Variants in LARS1 observed in about 807,000 individuals in gnomAD.
LARS1 encodes leucine--tRNA ligase, cytoplasmic.
Under a neutral mutation model 162.8 loss-of-function variants are expected in LARS1, and 100 were observed. That is an observed-to-expected ratio of 0.61 (90% CI 0.52 to 0.73). The LOEUF (loss-of-function observed/expected upper bound fraction) is 0.73, where lower values mean the gene tolerates loss of function less well. Ranked by LOEUF, LARS1 falls within the 30% of genes least tolerant of loss-of-function variation. LARS1 has a pLI of 0.00. For synonymous variants in LARS1, 457 were observed against 462.8 expected (o/e 0.99, Z 0.16); for missense variants, 1,258 against 1,408.9 (o/e 0.89, Z 1.71).
Position 146,128,686 on chromosome 5 carries a change from G to T in LARS1, c.2866C>A (p.Arg956Ser). 1.3e-6 allele frequency: 2 copies of T among 1,579,948 alleles called. No homozygotes were observed. The highest frequency in any genetic ancestry group is 1.7e-6 in the Non-Finnish European group (2 of 1,169,742). The stretch of plus-strand genomic sequence containing the variant: ...GAGAGCATCACCTCAAAGTGTTTAC[G>T]TAGAACAGACAGGGTGGTATGTTGC... ...PWQHTTLSVL[R>S]KHFEANNGKL... Residue 956 changes from arginine to serine, a missense_variant, in exon 27 of 32, where the codon CGT becomes AGT. Physicochemically the swap from Arg to Ser is moderately radical, Grantham distance 110. Transcript: ENST00000394434.
At chr5:146,160,527 C>T (rs982251649) in intron 6 of LARS1, 41 bp from the exon 7 acceptor site, 7 of 1,081,068 alleles carry the variant, frequency 6.5e-6, no homozygotes, top group African/African-American at 3.3e-5. Context: ...CTGAGAAATA[C>T]ACAAATTTTG....
Position 146,153,995 on chromosome 5 carries a change from A to G in LARS1, c.1066-15T>C. The G allele has an allele frequency of 6.4e-7, 1 of 1,552,284 alleles. No homozygotes were observed. Among genetic ancestry groups the G allele is most frequent in the Non-Finnish European group, 8.8e-7 (1 of 1,136,870 alleles). On this transcript the variant is annotated splice_polypyrimidine_tract_variant and intron_variant, in intron 10 of 31. Transcript: ENST00000394434. ...CCAAGAATTTCCTGCATAAGAAAAAAATCAATATAAAAGGTGAAGTAATTC... is the reference window on the plus strand; with the variant it reads ...CCAAGAATTTCCTGCATAAGAAAAAGATCAATATAAAAGGTGAAGTAATTC...
At position 146,168,216 on chromosome 5, in the gene LARS1, G is replaced by A. The variant is rs1561493176; in HGVS notation, c.344C>T (p.Pro115Leu). 2 of 1,612,970 alleles carry A rather than the reference G, an allele frequency of 1.2e-6. No homozygotes were observed. The highest frequency in any genetic ancestry group is 2.7e-5 in the African/African-American group (2 of 74,852). ...KREIELYGCP[P>L]DFPDEEEEEE... ...TTCCTCTTCTTCATCTGGAAAATCA[G>A]GGGGGCAACCATACAGCTCTATTTC... The change falls in exon 5 of 32, where the codon CCT (proline) becomes CTT (leucine). Residue 115 changes from proline to leucine, a missense_variant. Coordinates refer to ENST00000394434, the MANE Select transcript of LARS1 (RefSeq NM_020117.11).
At chr5:146,153,257 T>C (rs1753371870) in intron 12 of LARS1, 30 bp from the exon 13 acceptor site, 1 of 1,447,054 alleles carries the variant, frequency 6.9e-7, no homozygotes, top group African/African-American at 1.4e-5. Flanking sequence ...TTAACACTAA[T>C]GATCAACACT....
At chr5:146,162,914 A>G (rs886188541) in intron 6 of LARS1, among the ~76,000 whole-genome samples, 1 of 151,910 alleles carries the variant, frequency 6.6e-6, no homozygotes, top group Non-Finnish European at 1.5e-5. Flanking sequence ...GGTTCAAGCA[A>G]TTCTCCTCCT....
chr5:146,114,186 G>A lies in LARS1; in HGVS notation c.3451C>T (p.Leu1151Phe), dbSNP rs1392208236. The change falls in exon 32 of 32, where the codon CTC becomes TTC. Residue 1151 changes from leucine (L) to phenylalanine (F), a missense_variant. Coordinates refer to ENST00000394434, the MANE Select transcript of LARS1 (RefSeq NM_020117.11). The stretch of plus-strand genomic sequence containing the variant: ...GTCAGATGAATTTTCTTGCTCATGA[G>A]GTCCACATTGAAAACAGCATGCTCA... ...ISEHAVFNVD[L>F]MSKKIHLTEN... 6.2e-7 allele frequency: 1 copy of A among 1,613,350 alleles called. No homozygotes were observed. The highest frequency in any genetic ancestry group is 2.2e-5 in the East Asian group (1 of 44,828).
At chr5:146,164,947 A>C (rs572261210) in intron 5 of LARS1, among the ~76,000 whole-genome samples, 2 of 152,226 alleles carry the variant, frequency 1.3e-5, no homozygotes, top group Non-Finnish European at 2.9e-5. Flanking sequence ...CAGCATAAGA[A>C]AATTTTGAGG....
intron 12 of LARS1, 86 bp from the exon 13 acceptor site, chr5:146,153,313 A>C: frequency 2.0e-6 from 2 of 1,003,408 alleles, no homozygotes; most frequent in Non-Finnish European, 3.1e-6. Context: ...AGTTTCTTAA[A>C]AGTTTCTTTA....
At chr5:146,128,363 G>T (rs1752127783) in intron 27 of LARS1, among the ~76,000 whole-genome samples, 1 of 151,980 alleles carries the variant, frequency 6.6e-6, no homozygotes, top group Non-Finnish European at 1.5e-5. Flanking sequence ...AAATTCCAAA[G>T]GCAAACTCTG....
chr5:146,115,850 T>A (rs778268189), intron 31 of LARS1, among the ~76,000 whole-genome samples: 1 of 152,212 alleles, frequency 6.6e-6, no homozygotes, highest in African/African-American at 2.4e-5. Flanking sequence ...TCTGAATTAC[T>A]TCCCATTTCT....
At chr5:146,176,263 C>A (rs1414900864) in intron 2 of LARS1, among the ~76,000 whole-genome samples, 1 of 151,756 alleles carries the variant, frequency 6.6e-6, no homozygotes, top group Admixed American at 6.6e-5. Flanking sequence ...ACCATCCTGG[C>A]CAACATGGTA....
chr5:146,130,715 G>GT (rs1488741806), intron 24 of LARS1: 1 of 235,810 alleles, frequency 4.2e-6, no homozygotes. Context: ...TTTTGCCTTT[G>GT]TTTTTATCAA....
chr5:146,113,293 GA>G lies in LARS1; in HGVS notation c.*812del, dbSNP rs1764057136. 6.6e-6 allele frequency: 1 copy of G among 152,270 alleles called. No individual in the cohort carries two copies. Among genetic ancestry groups the G allele is most frequent in the Non-Finnish European group, 1.5e-5 (1 of 68,150 alleles). The allele number at this position is 152,270 out of a possible 1,614,324, so 9.4% of individuals were successfully genotyped here. A position where few individuals can be genotyped will look rare whatever the true frequency, so the allele number is the denominator to read the frequency against. ...TTGGTCAGGCTGGTCTCAAACTCCT[GA>G]CCTCAGGTGACTGCCCACCTTGGCC... On this transcript the variant is annotated 3_prime_UTR_variant, in exon 32 of 32. Coordinates refer to ENST00000394434, the MANE Select transcript of LARS1 (RefSeq NM_020117.11).
At position 146,120,357 on chromosome 5, in the gene LARS1, G is replaced by A. The variant is rs1247536686; in HGVS notation, c.3325+14C>T. The A allele has an allele frequency of 1.2e-6, 2 of 1,612,014 alleles. No homozygotes were observed. The highest frequency in any genetic ancestry group is 1.3e-5 in the African/African-American group (1 of 74,796). The stretch of plus-strand genomic sequence containing the variant: ...CAAGCTACTGACAAATGGGAGTTTT[G>A]GGGAACAACTTACCTTTAATTCCTC... On this transcript the variant is annotated intron_variant, in intron 31 of 31. Transcript: ENST00000394434.
Position 146,123,978 on chromosome 5 carries a change from T to A in LARS1, c.3096+4A>T, listed in dbSNP as rs1297394521. ...CTGGTTATTACAATCCCTGGCCCTC[T>A]TACCTCAAGCGAATTAGTCAGATAG... On this transcript the variant is annotated splice_donor_region_variant and intron_variant, in intron 29 of 31. Transcript: ENST00000394434. 1 of 1,544,656 alleles carries A rather than the reference T, an allele frequency of 6.5e-7. No homozygotes were observed.
At chr5:146,166,161 A>C (rs1753995445) in intron 5 of LARS1, among the ~76,000 whole-genome samples, 1 of 152,156 alleles carries the variant, frequency 6.6e-6, no homozygotes, top group South Asian at 2.1e-4. Flanking sequence ...CAATAAAAGA[A>C]ACCTTGGAGA....
At chr5:146,120,178 A>C (rs1338050765) in intron 31 of LARS1, 193 bp downstream of exon 31, 1 of 568,578 alleles carries the variant, frequency 1.8e-6, no homozygotes, top group Non-Finnish European at 3.1e-6. Flanking sequence ...CTTAAGTGAC[A>C]TGGCAAAGCC....
At chr5:146,128,581 T>C (rs1752138004) in intron 27 of LARS1, 91 bp downstream of exon 27, 3 of 737,262 alleles carry the variant, frequency 4.1e-6, no homozygotes, top group Admixed American at 6.4e-5. Flanking sequence ...CCTATCTTTC[T>C]TCTCCCAGAC....
At chr5:146,151,236 C>A (rs1373237606) in intron 14 of LARS1, among the ~76,000 whole-genome samples, 1 of 151,990 alleles carries the variant, frequency 6.6e-6, no homozygotes, top group South Asian at 2.1e-4. Flanking sequence ...GAAATGTAAC[C>A]AATTCTTGGT....
Sources: gnomAD v4.1 joint callset for allele counts (sites outside exome capture counted in the v4.1 genomes callset) on GRCh38, gnomAD v4.1.1 for gene constraint, MANE v1.5 for transcripts, NCBI Gene and HGNC (gene_info 2026-07-23, HGNC 2026-07-21) for gene names.